Variants in PAF1 observed in about 807,000 individuals in gnomAD.
PAF1 encodes RNA polymerase II-associated factor 1 homolog.
A neutral mutation model predicts 68.4 loss-of-function variants in PAF1; 31 were observed. The ratio of observed to expected loss-of-function variants is 0.45; its 90% confidence interval spans 0.34 to 0.61. The LOEUF (loss-of-function observed/expected upper bound fraction) is 0.61, where lower values mean the gene tolerates loss of function less well. Among genes scored for constraint, PAF1 ranks in the 20% least tolerant of loss-of-function variants. The pLI is 0.01. For synonymous variants in PAF1, 256 were observed against 240.5 expected (o/e 1.06, Z -0.60); for missense variants, 435 against 692.9 (o/e 0.63, Z 4.18).
chr19:39,386,107 G>T lies in PAF1; in HGVS notation c.1480C>A (p.Arg494=), dbSNP rs147646603. ...SGSNGGGQRS[R]SHSRSASPFP... ...GGACTGGCGCTGCGGCTGTGGCTCCGGCTCCGCTGGCCACCCCCATTGCTG... is the reference window on the plus strand; with the variant it reads ...GGACTGGCGCTGCGGCTGTGGCTCCTGCTCCGCTGGCCACCCCCATTGCTG... Residue 494 remains arginine (R), a synonymous_variant, in exon 14 of 14, where the codon CGG becomes AGG. Transcript: ENST00000221265. The surrounding 1 kb of genome is among the most constrained non-coding windows in gnomAD (Gnocchi z 6.1). 2 of 1,614,004 alleles carry T rather than the reference G, an allele frequency of 1.2e-6. No individual in the cohort carries two copies. The highest frequency in any genetic ancestry group is 1.7e-5 in the Admixed American group (1 of 60,020).
rs1187029995 is a variant in PAF1 at position 39,389,454 on chromosome 19, C to G, written c.359+26G>C. On this transcript the variant is annotated intron_variant, in intron 5 of 13. Coordinates refer to ENST00000221265, the MANE Select transcript of PAF1 (RefSeq NM_019088.4). This position sits in a 1 kb window ranked among gnomAD's most constrained non-coding sequence, Gnocchi z 5.3. Reference sequence around the variant, plus strand: ...TTGTAGGGCCCACCTGAGCCAGTCTCCAGTACCCATTTGCTACCCACTCAC... The same window carrying G: ...TTGTAGGGCCCACCTGAGCCAGTCTGCAGTACCCATTTGCTACCCACTCAC... 1 of 1,613,506 alleles carries G rather than the reference C, an allele frequency of 6.2e-7. No individual in the cohort carries two copies. The highest frequency in any genetic ancestry group is 2.2e-5 in the East Asian group (1 of 44,882).
rs750131636 is a variant in PAF1 at position 39,390,218 on chromosome 19, C to T, written c.77+42G>A. The T allele has an allele frequency of 6.8e-6, 11 of 1,613,392 alleles. No individual in the cohort carries two copies. In the South Asian group the frequency reaches 1.2e-4, roughly 18 times the overall value. On this transcript the variant is annotated intron_variant, in intron 2 of 13. Coordinates refer to ENST00000221265, the MANE Select transcript of PAF1 (RefSeq NM_019088.4). Reference sequence around the variant, plus strand: ...CCGCTGCCCCACCTCTGCTCCCAGCCCCACTGCCCCACCGCTCCTGGGAAA... The same window carrying T: ...CCGCTGCCCCACCTCTGCTCCCAGCTCCACTGCCCCACCGCTCCTGGGAAA...
Position 39,390,842 on chromosome 19 carries a change from TGGGTC to T in PAF1, c.18_22del (p.Thr7GlyfsTer17), listed in dbSNP as rs1440826698. On this transcript the variant is annotated frameshift_variant, in exon 1 of 14. Coordinates refer to ENST00000221265, the MANE Select transcript of PAF1 (RefSeq NM_019088.4). LOFTEE classifies it high-confidence loss of function. ...CCTGTGGCCATCCTCCCGCTGGGCC[TGGGTC>T]TGGATGGTGGGCGCCATAGCGACGA... is the stretch of plus-strand genomic sequence containing the variant. 6.3e-7 allele frequency: 1 copy of T among 1,587,106 alleles called. No individual in the cohort carries two copies. Among genetic ancestry groups the T allele is most frequent in the South Asian group, 1.2e-5 (1 of 86,954 alleles).
At position 39,390,198 on chromosome 19, in the gene PAF1, G is replaced by A. The variant is rs775582678; in HGVS notation, c.78-37C>T. On this transcript the variant is annotated intron_variant, in intron 2 of 13. Transcript: ENST00000221265. ...AGTGGCTCAAAAGTGGGCCCCCGCT[G>A]CCCCACCTCTGCTCCCAGCCCCACT... 14 of 1,611,228 alleles carry A rather than the reference G, an allele frequency of 8.7e-6. No individual in the cohort carries two copies. The East Asian group carries it at 8.9e-5, about 10-fold the overall frequency.
At chr19:39,388,284 C>G in intron 11 of PAF1, 55 bp downstream of exon 11, 2 of 1,602,006 alleles carry the variant, frequency 1.2e-6, no homozygotes, top group Non-Finnish European at 1.7e-6. Context: ...CTTGCATGCC[C>G]CAGGGTCTTA....
chr19:39,390,716 G>T (rs953248212), intron 1 of PAF1, 102 bp downstream of exon 1: 1 of 1,238,868 alleles, frequency 8.1e-7, no homozygotes, highest in Non-Finnish European at 1.2e-6. Flanking sequence ...AAAGGTGAGC[G>T]CTTCATGACG....
In PAF1 at chr19:39,386,676, G is replaced by A; in HGVS notation, c.1092+18C>T. 1.9e-6 allele frequency: 3 copies of A among 1,604,740 alleles called. No individual in the cohort carries two copies. Among genetic ancestry groups the A allele is most frequent in the Non-Finnish European group, 2.6e-6 (3 of 1,171,378 alleles). On this transcript the variant is annotated intron_variant, in intron 12 of 13. Transcript: ENST00000221265. This position sits in a 1 kb window ranked among gnomAD's most constrained non-coding sequence, Gnocchi z 6.1. ...ACCCTCCCTGCCATGGGTGCCCTGA[G>A]CCAGTGGTGCTTGTTACCTGAGCTT...
Position 39,385,669 on chromosome 19 carries a change from TG to T in PAF1, c.*321del. Reference sequence around the variant, plus strand: ...CTTGTTTAATGGTCTGGGCTTATTTTGGAAAAAAAAAAAACAAACAAAAAAA... The same window carrying T: ...CTTGTTTAATGGTCTGGGCTTATTTTGAAAAAAAAAAAACAAACAAAAAAA... On this transcript the variant is annotated 3_prime_UTR_variant, in exon 14 of 14. Transcript: ENST00000221265. 1.8e-6 allele frequency: 1 copy of T among 542,406 alleles called. No homozygotes were observed. Among genetic ancestry groups the T allele is most frequent in the Non-Finnish European group, 3.2e-6 (1 of 309,562 alleles). 33.6% of individuals were successfully genotyped at this position (542,406 alleles called of 1,614,324 possible).
rs2078342986 is a variant in PAF1, at chr19:39,390,108, A to G, written c.131T>C (p.Phe44Ser). ...GGGGTAGGTGATGAACTTGGGGTCG[A>G]AGGGGATATCAGGGAGGCTATTGCA... Reference protein sequence around the residue: ...KYCNSLPDIPFDPKFITYPFD... With the variant: ...KYCNSLPDIPSDPKFITYPFD... Residue 44 changes from phenylalanine (F) to serine (S), a missense_variant, in exon 3 of 14, where the codon TTC becomes TCC. Physicochemically the swap from Phe to Ser is radical, Grantham distance 155 (BLOSUM62 -2). Around this residue, in one of 7 missense-constraint regions of PAF1, gnomAD observed 77 missense variants for 118.2 expected, o/e 0.65. Coordinates refer to ENST00000221265, the MANE Select transcript of PAF1 (RefSeq NM_019088.4). 1 of 1,613,872 alleles carries G rather than the reference A, an allele frequency of 6.2e-7. No homozygotes were observed.
Position 39,386,459 on chromosome 19 carries a change from G to A in PAF1, c.1183+23C>T, listed in dbSNP as rs747267949. 8 of 1,614,170 alleles carry A rather than the reference G, an allele frequency of 5.0e-6. No homozygotes were observed. Among genetic ancestry groups the A allele is most frequent in the South Asian group, 1.1e-5 (1 of 91,088 alleles). ...CTTTTCCACCCTCCCAGGGCTCCCAGAGTCTGGCCTGTCCAGATTTACCTG... is the reference window on the plus strand; with the variant it reads ...CTTTTCCACCCTCCCAGGGCTCCCAAAGTCTGGCCTGTCCAGATTTACCTG... On this transcript the variant is annotated intron_variant, in intron 13 of 13. Coordinates refer to ENST00000221265, the MANE Select transcript of PAF1 (RefSeq NM_019088.4). This position sits in a 1 kb window ranked among gnomAD's most constrained non-coding sequence, Gnocchi z 6.1.
At position 39,388,525 on chromosome 19, in the gene PAF1, T is replaced by A. The variant is rs761199732; in HGVS notation, c.857+35A>T. 1.9e-6 allele frequency: 3 copies of A among 1,613,450 alleles called. No homozygotes were observed. The Middle Eastern group carries it at 5.0e-4, about 266-fold the overall frequency. On this transcript the variant is annotated intron_variant, in intron 10 of 13. Transcript: ENST00000221265. ...CTTCCCTATCCCAATCCCCAAAACT[T>A]CCCAATCCCCAAAACTTAACCGCAA...
chr19:39,386,652 C>T lies in PAF1; in HGVS notation c.1092+42G>A, dbSNP rs1218025269. ...TCCCCCTCCTCACCTACAACCACCA[C>T]CCTCCCTGCCATGGGTGCCCTGAGC... is the stretch of plus-strand genomic sequence containing the variant. On this transcript the variant is annotated intron_variant, in intron 12 of 13. Coordinates refer to ENST00000221265, the MANE Select transcript of PAF1 (RefSeq NM_019088.4). The surrounding 1 kb of genome is among the most constrained non-coding windows in gnomAD (Gnocchi z 6.1). The T allele has an allele frequency of 1.9e-6, 3 of 1,598,832 alleles. No homozygotes were observed. The highest frequency in any genetic ancestry group is 2.6e-6 in the Non-Finnish European group (3 of 1,166,030).
In PAF1 at chr19:39,385,822, G is replaced by T; in HGVS notation, c.*169C>A. On this transcript the variant is annotated 3_prime_UTR_variant, in exon 14 of 14. Transcript: ENST00000221265. ...GGTTGCGGGAGGTATGTGCTGGGCT[G>T]AATGACATCATAGGGGCTGGGAGGG... The T allele has an allele frequency of 9.7e-7, 1 of 1,027,542 alleles. No homozygotes were observed. The highest frequency in any genetic ancestry group is 1.4e-6 in the Non-Finnish European group (1 of 718,592). 63.7% of individuals were successfully genotyped at this position (1,027,542 alleles called of 1,614,324 possible). A position where few individuals can be genotyped will look rare whatever the true frequency, so the allele number is the denominator to read the frequency against.
intron 8 of PAF1, 39 bp from the exon 9 acceptor site, chr19:39,388,904 C>A: frequency 6.2e-7 from 1 of 1,609,974 alleles, no homozygotes; most frequent in Non-Finnish European, 8.5e-7. Flanking sequence ...TGGGAACAGG[C>A]ACAAATAGGC....
At position 39,386,867 on chromosome 19, in the gene PAF1, C is replaced by A; in HGVS notation, c.987-68G>T. ...TAAAGACACACCTCCCACTTCCCCGCCCCCCAGTGAGGGGTCTGGTCTGAC... is the reference window on the plus strand; with the variant it reads ...TAAAGACACACCTCCCACTTCCCCGACCCCCAGTGAGGGGTCTGGTCTGAC... On this transcript the variant is annotated intron_variant, in intron 11 of 13. Transcript: ENST00000221265. The surrounding 1 kb of genome is among the most constrained non-coding windows in gnomAD (Gnocchi z 6.1). 1.9e-6 allele frequency: 2 copies of A among 1,060,796 alleles called. No individual in the cohort carries two copies. Among genetic ancestry groups the A allele is most frequent in the South Asian group, 1.3e-5 (1 of 79,508 alleles). The allele number at this position is 1,060,796 out of a possible 1,614,324, so 65.7% of individuals were successfully genotyped here.
chr19:39,389,362 C>T lies in PAF1; in HGVS notation c.381G>A (p.Val127=), dbSNP rs1189497173. The change falls in exon 6 of 14, where the codon GTG becomes GTA. Residue 127 remains valine (V), a synonymous_variant. Transcript: ENST00000221265. This position sits in a 1 kb window ranked among gnomAD's most constrained non-coding sequence, Gnocchi z 5.3. Reference sequence around the variant, plus strand: ...ACTCTGTCTTTCGCATCCATGGCACCACCTTCGCGTGCTGCTGGGATCTGG... The same window carrying T: ...ACTCTGTCTTTCGCATCCATGGCACTACCTTCGCGTGCTGCTGGGATCTGG... ...SSKRSQQHAK[V]VPWMRKTEYI... 1 of 1,614,180 alleles carries T rather than the reference C, an allele frequency of 6.2e-7. No individual in the cohort carries two copies. The highest frequency in any genetic ancestry group is 1.1e-5 in the South Asian group (1 of 91,072).
In PAF1 at chr19:39,386,006, A is replaced by G. The variant is rs145242944; in HGVS notation, c.1581T>C (p.Asp527=). 0.011 allele frequency: 17,454 copies of G among 1,613,676 alleles called. 118 individuals carry two copies. Among genetic ancestry groups the G allele is most frequent in the South Asian group, 0.016 (1,427 of 91,086 alleles). ...GCCCTGGGACTCAGTCACTGTCACT[A>G]TCAGCTTCACTGGAATCAGAAGCTG... ...EAAASDSSEA[D]SDSD is the part of the protein sequence containing the mutation. The change falls in exon 14 of 14, where the codon GAT becomes GAC. Residue 527 remains aspartate (D), a synonymous_variant. Coordinates refer to ENST00000221265, the MANE Select transcript of PAF1 (RefSeq NM_019088.4). The surrounding 1 kb of genome is among the most constrained non-coding windows in gnomAD (Gnocchi z 6.1).
intron 11 of PAF1, 152 bp downstream of exon 11, chr19:39,388,187 A>G: frequency 1.3e-6 from 1 of 741,530 alleles, no homozygotes; most frequent in Non-Finnish European, 2.2e-6. Flanking sequence ...AACCAAGTCC[A>G]GCTCATGTGC....
Position 39,386,683 on chromosome 19 carries a change from G to A in PAF1, c.1092+11C>T. 1 of 1,609,318 alleles carries A rather than the reference G, an allele frequency of 6.2e-7. No homozygotes were observed. The highest frequency in any genetic ancestry group is 8.5e-7 in the Non-Finnish European group (1 of 1,175,620). Reference sequence around the variant, plus strand: ...CTGCCATGGGTGCCCTGAGCCAGTGGTGCTTGTTACCTGAGCTTCCAGTTC... The same window carrying A: ...CTGCCATGGGTGCCCTGAGCCAGTGATGCTTGTTACCTGAGCTTCCAGTTC... On this transcript the variant is annotated intron_variant, in intron 12 of 13. Coordinates refer to ENST00000221265, the MANE Select transcript of PAF1 (RefSeq NM_019088.4). This position sits in a 1 kb window ranked among gnomAD's most constrained non-coding sequence, Gnocchi z 6.1.
Sources: allele counts gnomAD v4.1 joint callset, GRCh38; gene constraint gnomAD v4.1.1; regional missense constraint gnomAD v4.1.1; non-coding constraint Gnocchi (gnomAD v3.1); transcripts MANE v1.5; gene names NCBI Gene and HGNC (gene_info 2026-07-23, HGNC 2026-07-21).